The following HIVEP1 variants were observed in gnomAD, a reference collection of about 807,000 sequenced individuals.
HIVEP1 encodes HIVEP zinc finger 1.
Under a neutral mutation model 180.0 loss-of-function variants are expected in HIVEP1, and 36 were observed. That is an observed-to-expected ratio of 0.20 (90% confidence interval 0.15 to 0.26). The LOEUF is 0.26. HIVEP1 is among the 10% of genes least tolerant of loss of function. The probability of loss-of-function intolerance (pLI) is 1.00; values close to 1 mark genes in which losing one functional copy is unlikely to be tolerated. For missense variants in HIVEP1, 3,143 were observed against 3,268.7 expected, an observed-to-expected ratio of 0.96 and a Z score of 0.94; for synonymous variants, 1,239 against 1,239.0, an observed-to-expected ratio of 1.00 and a Z score of 0.00.
chr6:12,067,748 C>T (rs1771693499), intron 2 of HIVEP1, among the ~76,000 whole-genome samples: 1 of 151,638 alleles, frequency 6.6e-6, no homozygotes, highest in African/African-American at 2.4e-5. Context: ...TGGTGAGGGG[C>T]TGTTATGATG....
upstream of HIVEP1, chr6:12,008,752 C>T (rs1053107734): frequency 6.6e-6 from 1 of 152,198 alleles, no homozygotes; most frequent in African/African-American, 2.4e-5. Flanking sequence ...TGAAGCGCCT[C>T]CCTCTAGCAT....
At chr6:12,046,895 C>G (rs1315129585) in intron 2 of HIVEP1, among the ~76,000 whole-genome samples, 1 of 102,728 alleles carries the variant, frequency 9.7e-6, no homozygotes. Context: ...GAGTCTCGCT[C>G]TGTAGCACAG....
chr6:12,029,715 C>G (rs577883478), intron 2 of HIVEP1, among the ~76,000 whole-genome samples: 1 of 152,196 alleles, frequency 6.6e-6, no homozygotes, highest in Non-Finnish European at 1.5e-5. Flanking sequence ...ATCTCCTTTT[C>G]TTTCTCCTTT....
intron 2 of HIVEP1, among the ~76,000 whole-genome samples, chr6:12,065,692 CGTGTGTGTGT>C (rs61620887): frequency 6.9e-6 from 1 of 145,114 alleles, no homozygotes; most frequent in Non-Finnish European, 1.5e-5. Context: ...TGTGTGTGTG[CGTGTGTGTGT>C]GTGTGTGTGT....
downstream of HIVEP1, among the ~76,000 whole-genome samples, chr6:12,167,590 A>G (rs1008601201): frequency 1.8e-5 from 2 of 112,674 alleles, no homozygotes; most frequent in Admixed American, 8.6e-5. Context: ...ACGTTATATT[A>G]CATGTATATA....
At chr6:12,028,907 T>C (rs1384022986) in intron 2 of HIVEP1, among the ~76,000 whole-genome samples, 1 of 152,252 alleles carries the variant, frequency 6.6e-6, no homozygotes, top group Non-Finnish European at 1.5e-5. Context: ...GTCTGTTTTC[T>C]GGCTCTTTAC....
rs60719012 is a variant in HIVEP1 at position 12,092,289 on chromosome 6, T to A, written c.94+3052T>A. On this transcript the variant is annotated intron_variant, in intron 3 of 8. Coordinates refer to ENST00000379388, the MANE Select transcript of HIVEP1 (RefSeq NM_002114.4). ...ACCCCCAAACAATATATTTTCTAGT[T>A]GTGCCTGAGTTTGAACTTTTAAATG... Among the ~76,000 whole-genome samples the A allele has an allele frequency of 6.0e-3, 912 of 152,334 alleles. 6 individuals are homozygous for A. The highest frequency in any genetic ancestry group is 0.021 in the African/African-American group (875 of 41,574).
At chr6:12,017,441 G>C (rs866337247) in intron 2 of HIVEP1, among the ~76,000 whole-genome samples, 1 of 152,236 alleles carries the variant, frequency 6.6e-6, no homozygotes, top group South Asian at 2.1e-4. Context: ...AGCTCATAAA[G>C]GCAGTACAGA....
chr6:12,116,532 C>A (rs2113485857), intron 3 of HIVEP1, among the ~76,000 whole-genome samples: 1 of 152,054 alleles, frequency 6.6e-6, no homozygotes. Flanking sequence ...CCACTAGCCT[C>A]TCCCCTCCTT....
intron 7 of HIVEP1, among the ~76,000 whole-genome samples, chr6:12,137,641 A>G (rs1410528119): frequency 2.6e-5 from 4 of 152,042 alleles, no homozygotes; most frequent in African/African-American, 9.7e-5. Context: ...TTGTCAAATA[A>G]TAGTGAAGTA....
the HIVEP1 span, among the ~76,000 whole-genome samples, chr6:12,191,591 T>TA: frequency 1.3e-4 from 19 of 151,552 alleles, no homozygotes; most frequent in African/African-American, 3.4e-4. Context: ...AGACTCTGTC[T>TA]AAAAAAAATA....
chr6:12,211,182 G>T, the HIVEP1 span, among the ~76,000 whole-genome samples: 1 of 142,312 alleles, frequency 7.0e-6, no homozygotes, highest in Non-Finnish European at 1.5e-5. Flanking sequence ...GGCGGATCAC[G>T]AGGTCAGGAG....
the HIVEP1 span, among the ~76,000 whole-genome samples, chr6:12,180,252 C>A: frequency 6.6e-6 from 1 of 152,190 alleles, no homozygotes; most frequent in South Asian, 2.1e-4. Context: ...ATTTATCTTA[C>A]TTTTTCTTCA....
chr6:12,135,665 T>C, intron 6 of HIVEP1, 126 bp from the exon 7 acceptor site: 2 of 617,588 alleles, frequency 3.2e-6, no homozygotes, highest in South Asian at 2.0e-5. Context: ...GTTCACATTT[T>C]AGTCATTGGA....
the HIVEP1 span, among the ~76,000 whole-genome samples, chr6:12,185,659 A>G: frequency 6.6e-6 from 1 of 152,234 alleles, no homozygotes; most frequent in Admixed American, 6.5e-5. Flanking sequence ...AAAGGTATAC[A>G]TATATGAATG....
chr6:12,192,987 A>G, the HIVEP1 span, among the ~76,000 whole-genome samples: 1 of 152,136 alleles, frequency 6.6e-6, no homozygotes, highest in Non-Finnish European at 1.5e-5. Flanking sequence ...TGTGACTAGA[A>G]GCTCCCTGGG....
At chr6:12,126,071 C>G (rs1239056816) in intron 4 of HIVEP1, among the ~76,000 whole-genome samples, 5 of 152,148 alleles carry the variant, frequency 3.3e-5, no homozygotes, top group Non-Finnish European at 5.9e-5. Flanking sequence ...TGCAGTGATT[C>G]TATCTTGAAA....
intron 7 of HIVEP1, among the ~76,000 whole-genome samples, chr6:12,161,145 C>A (rs1407605094): frequency 6.6e-6 from 1 of 152,126 alleles, no homozygotes; most frequent in African/African-American, 2.4e-5. Flanking sequence ...TAGAGGCCTT[C>A]ATTTCCTTGT....
At chr6:12,042,303 C>G (rs6906944) in intron 2 of HIVEP1, among the ~76,000 whole-genome samples, 111,435 of 145,254 alleles carry the variant, frequency 0.77, 42,919 homozygotes, top group Middle Eastern at 0.92. Context: ...GGATGGTCTC[C>G]ATCTCCTGAC....
Sources: allele counts gnomAD v4.1 joint callset (sites outside exome capture counted in the v4.1 genomes callset), GRCh38; gene constraint gnomAD v4.1.1; transcripts MANE v1.5; gene names NCBI Gene and HGNC (gene_info 2026-07-23, HGNC 2026-07-21).